The following SLC44A5 variants were observed in gnomAD, a reference collection of about 807,000 sequenced individuals.
The protein encoded by SLC44A5 is choline transporter-like protein 5.
Under a neutral mutation model 101.8 loss-of-function variants are expected in SLC44A5, and 57 were observed. The observed-to-expected ratio is 0.56, with a 90% CI of 0.45 to 0.70. SLC44A5 has a LOEUF of 0.70. SLC44A5 is among the 30% of genes least tolerant of loss of function. SLC44A5 has a pLI of 0.00. For synonymous variants in SLC44A5, 281 were observed against 290.9 expected (o/e 0.97, Z 0.35); for missense variants, 737 against 853.1 (o/e 0.86, Z 1.70).
the SLC44A5 span, among the ~76,000 whole-genome samples, chr1:75,697,800 G>A: frequency 2.6e-5 from 4 of 152,206 alleles, no homozygotes; most frequent in Admixed American, 1.3e-4. Flanking sequence ...TGCATGCACC[G>A]TGCGTGAGCT....
intron 2 of SLC44A5, among the ~76,000 whole-genome samples, chr1:75,436,159 C>A (rs1320969044): frequency 6.6e-6 from 1 of 152,044 alleles, no homozygotes; most frequent in East Asian, 1.9e-4. Flanking sequence ...ACATCTTTAT[C>A]TTTACCATAA....
chr1:75,578,234 A>G (rs147220387), intron 1 of SLC44A5, among the ~76,000 whole-genome samples: 16 of 152,256 alleles, frequency 1.1e-4, no homozygotes, highest in Non-Finnish European at 2.2e-4. Context: ...TTCATTTTTT[A>G]TGATTCCTTA....
At chr1:75,325,467 T>G (rs187594622) in intron 4 of SLC44A5, among the ~76,000 whole-genome samples, 1 of 152,146 alleles carries the variant, frequency 6.6e-6, no homozygotes, top group Admixed American at 6.6e-5. Flanking sequence ...TATACAGTAG[T>G]CTTGCCTTAT....
chr1:75,494,476 G>C (rs1204533036), intron 2 of SLC44A5, among the ~76,000 whole-genome samples: 2 of 152,058 alleles, frequency 1.3e-5, no homozygotes, highest in Admixed American at 1.3e-4. Flanking sequence ...AAAGTCACTG[G>C]CTCCTGGAGC....
intron 3 of SLC44A5, among the ~76,000 whole-genome samples, chr1:75,367,704 TA>T (rs1200470456): frequency 6.6e-6 from 1 of 152,158 alleles, no homozygotes; most frequent in African/African-American, 2.4e-5. Context: ...GCAGAGTCCA[TA>T]GGGGGATGGA....
chr1:75,492,149 C>T (rs1668458957), intron 2 of SLC44A5, among the ~76,000 whole-genome samples: 1 of 152,132 alleles, frequency 6.6e-6, no homozygotes. Flanking sequence ...TGCCTTATCC[C>T]TGAAGTATCA....
chr1:75,287,639 C>T (rs1177623032), intron 5 of SLC44A5, among the ~76,000 whole-genome samples: 1 of 152,054 alleles, frequency 6.6e-6, no homozygotes, highest in Admixed American at 6.6e-5. Flanking sequence ...TCACAGGGTG[C>T]TTCCTTGATG....
At chr1:75,463,090 C>G (rs559688378) in intron 2 of SLC44A5, among the ~76,000 whole-genome samples, 1 of 152,070 alleles carries the variant, frequency 6.6e-6, no homozygotes, top group South Asian at 2.1e-4. Flanking sequence ...TGTCTCAAGG[C>G]ATTTAACAAT....
At chr1:75,682,302 T>C in the SLC44A5 span, among the ~76,000 whole-genome samples, 1 of 152,050 alleles carries the variant, frequency 6.6e-6, no homozygotes, top group Admixed American at 6.6e-5. Flanking sequence ...GCCAAGTCAA[T>C]CCTCAGCCAA....
chr1:75,604,128 A>C (rs907022666), intron 1 of SLC44A5, among the ~76,000 whole-genome samples: 2 of 151,888 alleles, frequency 1.3e-5, no homozygotes, highest in Non-Finnish European at 2.9e-5. Flanking sequence ...TTTTCTTCTA[A>C]GATTCTTATA....
In SLC44A5 at chr1:75,514,334, T is replaced by G. The variant is rs1570492968; in HGVS notation, c.13+27101A>C. Among the ~76,000 whole-genome samples, 6 of 152,338 alleles carry G rather than the reference T, an allele frequency of 3.9e-5. 1 individual carries two copies. Among genetic ancestry groups the G allele is most frequent in the Admixed American group, 3.9e-4 (6 of 15,308 alleles). ...ACTTATCTTTCAGCCAACATTTGTC[T>G]GTCACACCAAAATTCTGAGAGTGAC... On this transcript the variant is annotated intron_variant, in intron 2 of 23. Transcript: ENST00000370859.
chr1:75,364,669 C>T (rs559245060), intron 3 of SLC44A5, among the ~76,000 whole-genome samples: 3 of 152,272 alleles, frequency 2.0e-5, no homozygotes, highest in Non-Finnish European at 2.9e-5. Context: ...CTTAAAAATG[C>T]TTTGTTGGCC....
chr1:75,343,517 T>C (rs530812569), intron 3 of SLC44A5, among the ~76,000 whole-genome samples: 149 of 152,248 alleles, frequency 9.8e-4, no homozygotes, highest in African/African-American at 3.5e-3. Flanking sequence ...ATAACTACCA[T>C]TGATAAGCTA....
At chr1:75,448,739 C>A (rs1195219807) in intron 2 of SLC44A5, among the ~76,000 whole-genome samples, 1 of 152,178 alleles carries the variant, frequency 6.6e-6, no homozygotes, top group East Asian at 1.9e-4. Context: ...AGCCTTTGCT[C>A]CCAAAACAAT....
At chr1:75,446,920 G>A (rs1665614772) in intron 2 of SLC44A5, among the ~76,000 whole-genome samples, 1 of 152,090 alleles carries the variant, frequency 6.6e-6, no homozygotes, top group Non-Finnish European at 1.5e-5. Context: ...AGTACCGACA[G>A]AGATCACTAT....
At chr1:75,707,236 T>C in the SLC44A5 span, among the ~76,000 whole-genome samples, 1 of 152,218 alleles carries the variant, frequency 6.6e-6, no homozygotes, top group Non-Finnish European at 1.5e-5. Flanking sequence ...GACACAGGTA[T>C]GCAGTTTAAG....
intron 13 of SLC44A5, among the ~76,000 whole-genome samples, chr1:75,225,772 G>A (rs542499698): frequency 7.9e-5 from 12 of 152,252 alleles, no homozygotes; most frequent in African/African-American, 2.4e-4. Flanking sequence ...TTATGAAAGC[G>A]GAGGCTTATT....
At chr1:75,238,137 ATTCT>A (rs1648273911) in intron 10 of SLC44A5, among the ~76,000 whole-genome samples, 2 of 150,802 alleles carry the variant, frequency 1.3e-5, no homozygotes, top group African/African-American at 4.9e-5. Flanking sequence ...AAGCATCATT[ATTCT>A]TTCTTTCTTT....
intron 2 of SLC44A5, among the ~76,000 whole-genome samples, chr1:75,515,897 A>G (rs1669803127): frequency 6.6e-6 from 1 of 151,236 alleles, no homozygotes; most frequent in Admixed American, 6.6e-5. Flanking sequence ...TTTTTTCCCC[A>G]TCCTTGCCAA....
Sources: gnomAD v4.1 joint callset for allele counts (sites outside exome capture counted in the v4.1 genomes callset) on GRCh38, gnomAD v4.1.1 for gene constraint, MANE v1.5 for transcripts, NCBI Gene and HGNC (gene_info 2026-07-23, HGNC 2026-07-21) for gene names.